The following DNAH12 variants were observed in gnomAD, a reference collection of about 807,000 sequenced individuals.
DNAH12 encodes dynein axonemal heavy chain 12, also known as axonemal beta dynein heavy chain 12.
In DNAH12, 285 loss-of-function variants were observed where a neutral mutation model predicts 371.5. That is an observed-to-expected ratio of 0.77 (90% confidence interval 0.70 to 0.85). DNAH12 has a LOEUF of 0.85. DNAH12 is among the 40% of genes least tolerant of loss of function. The probability of loss-of-function intolerance (pLI) is 0.00; values close to 1 mark genes in which losing one functional copy is unlikely to be tolerated. For missense variants in DNAH12, 3,611 were observed against 3,689.4 expected, an observed-to-expected ratio of 0.98 and a Z score of 0.55; for synonymous variants, 1,200 against 1,213.0, an observed-to-expected ratio of 0.99 and a Z score of 0.22.
chr3:57,453,004 C>G lies in DNAH12; in HGVS notation c.3625G>C (p.Asp1209His). The G allele has an allele frequency of 6.5e-7, 1 of 1,543,044 alleles. No homozygotes were observed. The highest frequency in any genetic ancestry group is 2.5e-5 in the East Asian group (1 of 40,738). Residue 1209 changes from aspartate to histidine, a missense_variant, in exon 25 of 74, where the codon GAT becomes CAT. This residue lies in a region of DNAH12 where 31 missense variants were observed against 53.8 expected (regional missense o/e 0.58). Coordinates refer to ENST00000495027, the MANE Select transcript of DNAH12 (RefSeq NM_001366028.2). ...TGAGCAAGCCACAGGAAATCTGTAT[C>G]ATGTGAGACACCTAGAAAAAATAAA... ...MDMIKMGVSH[D>H]TDFLWLAQLR... is the part of the protein sequence containing the mutation.
intron 12 of DNAH12, among the ~76,000 whole-genome samples, chr3:57,484,795 C>A (rs2066868844): frequency 6.6e-6 from 1 of 152,080 alleles, no homozygotes; most frequent in African/African-American, 2.4e-5. Context: ...CTGCCTCCAA[C>A]AAAAGACTAG....
intron 6 of DNAH12, among the ~76,000 whole-genome samples, 166 bp from the exon 7 acceptor site, chr3:57,508,706 A>C (rs79294353): frequency 0.063 from 9,570 of 152,298 alleles, 437 homozygotes; most frequent in Middle Eastern, 0.11. Flanking sequence ...ATTTAATAAA[A>C]ACACATCAAG....
chr3:57,371,318 T>G (rs1298665955), intron 55 of DNAH12, among the ~76,000 whole-genome samples: 1 of 152,176 alleles, frequency 6.6e-6, no homozygotes, highest in African/African-American at 2.4e-5. Flanking sequence ...TGAAATGTCT[T>G]CTTTTAACAT....
chr3:57,323,193 C>T lies in DNAH12; in HGVS notation c.10197G>A (p.Gln3399=), dbSNP rs2061848253. 1 of 1,552,380 alleles carries T rather than the reference C, an allele frequency of 6.4e-7. No individual in the cohort carries two copies. Among genetic ancestry groups the T allele is most frequent in the African/African-American group, 1.4e-5 (1 of 73,192 alleles). ...TTTTTGCTGCAATCGGTCCTTGTCC[C>T]TGTCCCAGTGAAATAGCTTGAAACT... is the stretch of plus-strand genomic sequence containing the variant. ...GNKFQAISLG[Q]GQGPIAAKMI... is the part of the protein sequence containing the mutation. The change falls in exon 64 of 74, where the codon CAG becomes CAA. Residue 3399 remains glutamine (Q), a synonymous_variant. Coordinates refer to ENST00000495027, the MANE Select transcript of DNAH12 (RefSeq NM_001366028.2).
At chr3:57,423,452 G>T (rs1463186828) in intron 35 of DNAH12, among the ~76,000 whole-genome samples, 1 of 152,154 alleles carries the variant, frequency 6.6e-6, no homozygotes, top group Non-Finnish European at 1.5e-5. Context: ...AAAGCGGAAG[G>T]ATATAAAGGC....
Position 57,415,505 on chromosome 3 carries a change from A to T in DNAH12, c.5774T>A (p.Leu1925Gln), listed in dbSNP as rs780079838. Reference protein sequence around the residue: ...TGKSVYVKDKLMNHLEKDQYF... With the variant: ...TGKSVYVKDKQMNHLEKDQYF... ...CTGGTCCTTTTCCAAGTGATTCATTAGCTTATCCTTCACATACACAGATTT... is the reference window on the plus strand; with the variant it reads ...CTGGTCCTTTTCCAAGTGATTCATTTGCTTATCCTTCACATACACAGATTT... The change falls in exon 38 of 74, where the codon CTA becomes CAA. Residue 1925 changes from leucine (L) to glutamine (Q), a missense_variant. By Grantham distance (113) the Leu-to-Gln change is moderately radical. Transcript: ENST00000495027. 7.1e-6 allele frequency: 11 copies of T among 1,551,130 alleles called. No homozygotes were observed. Among genetic ancestry groups the T allele is most frequent in the Non-Finnish European group, 9.6e-6 (11 of 1,146,934 alleles).
upstream of DNAH12, chr3:57,548,949 A>T (rs1216662011): frequency 3.3e-5 from 5 of 152,174 alleles, no homozygotes; most frequent in African/African-American, 4.8e-5. Flanking sequence ...TAGTTTTTTT[A>T]AAAAAAGATT....
At chr3:57,554,155 T>G in the DNAH12 span, among the ~76,000 whole-genome samples, 5,319 of 105,680 alleles carry the variant, frequency 0.05, 345 homozygotes, top group African/African-American at 0.13. Flanking sequence ...GACATGGCAG[T>G]GCACACCTGT....
In DNAH12 at chr3:57,459,678, G is replaced by T. The variant is rs757057533; in HGVS notation, c.2845C>A (p.Gln949Lys). 68 of 1,549,410 alleles carry T rather than the reference G, an allele frequency of 4.4e-5. 1 individual carries two copies. The Middle Eastern group carries it at 1.0e-3, about 23-fold the overall frequency. Residue 949 changes from glutamine to lysine, a missense_variant, in exon 20 of 74, where the codon CAA (glutamine) becomes AAA (lysine). Around this residue, in one of 3 missense-constraint regions of DNAH12, gnomAD observed 1,314 missense variants for 1,398.7 expected, o/e 0.94. Coordinates refer to ENST00000495027, the MANE Select transcript of DNAH12 (RefSeq NM_001366028.2). Reference protein sequence around the residue: ...EPIFCSEDIMQQMPEEGRQFQ... With the variant: ...EPIFCSEDIMKQMPEEGRQFQ... Reference sequence around the variant, plus strand: ...TGACGCCCTTCTTCTGGCATCTGTTGCATGATATCCTCAGAACAAAAGATG... The same window carrying T: ...TGACGCCCTTCTTCTGGCATCTGTTTCATGATATCCTCAGAACAAAAGATG...
At chr3:57,389,820 G>GTA (rs1486737780) in intron 45 of DNAH12, among the ~76,000 whole-genome samples, 11 of 72,772 alleles carry the variant, frequency 1.5e-4, no homozygotes, top group African/African-American at 4.1e-4. Context: ...GTGTGTGTGT[G>GTA]TGTATATATA....
intron 37 of DNAH12, among the ~76,000 whole-genome samples, chr3:57,417,638 G>A (rs1027964564): frequency 6.6e-6 from 1 of 152,050 alleles, no homozygotes; most frequent in Non-Finnish European, 1.5e-5. Context: ...TAGTACCTGT[G>A]TCTTTGTCAC....
chr3:57,481,475 C>T (rs1233673982), intron 13 of DNAH12, among the ~76,000 whole-genome samples: 5 of 151,882 alleles, frequency 3.3e-5, no homozygotes, highest in East Asian at 1.9e-4. Flanking sequence ...GAATCAATAT[C>T]GTGAAAATGG....
At chr3:57,429,333 T>C (rs6772364) in intron 33 of DNAH12, among the ~76,000 whole-genome samples, 104,296 of 151,902 alleles carry the variant, frequency 0.69, 35,989 homozygotes, top group South Asian at 0.8. Context: ...TGCACCACCA[T>C]GCCTGGCTAA....
chr3:57,449,942 T>C (rs1239042274), intron 25 of DNAH12, among the ~76,000 whole-genome samples: 1 of 152,192 alleles, frequency 6.6e-6, no homozygotes, highest in African/African-American at 2.4e-5. Flanking sequence ...TCTAGTGTTA[T>C]ATTCAAGCGT....
chr3:57,543,019 C>T, intron 1 of DNAH12, 116 bp from the exon 2 acceptor site: 2 of 711,076 alleles, frequency 2.8e-6, no homozygotes, highest in Non-Finnish European at 4.1e-6. Context: ...GATCTTCCTC[C>T]CAAGTATGGT....
chr3:57,371,176 C>A (rs1411444227), intron 55 of DNAH12, among the ~76,000 whole-genome samples: 2 of 152,156 alleles, frequency 1.3e-5, no homozygotes, highest in African/African-American at 4.8e-5. Context: ...GCAACACACA[C>A]ACTGCAGCTG....
intron 29 of DNAH12, among the ~76,000 whole-genome samples, chr3:57,440,770 T>C (rs1372321580): frequency 6.6e-6 from 1 of 152,066 alleles, no homozygotes; most frequent in African/African-American, 2.4e-5. Flanking sequence ...AGTGGATGGG[T>C]TGAGCCCGGG....
Position 57,408,354 on chromosome 3 carries a change from A to G in DNAH12, c.6202T>C (p.Phe2068Leu). The change falls in exon 40 of 74, where the codon TTC becomes CTC. Residue 2068 changes from phenylalanine (F) to leucine (L), a missense_variant. This residue lies in a region of DNAH12 where 2,266 missense variants were observed against 2,236.9 expected (regional missense o/e 1.01). Transcript: ENST00000495027. ...GGAAATTCATGAGTTCTAAGGTAGA[A>G]TGCTACAATAGATGAGAAGATTCGG... The part of the protein sequence containing the change: ...MVRIFSSIVA[F>L]YLRTHEFPPE... The G allele has an allele frequency of 6.4e-7, 1 of 1,551,632 alleles. No individual in the cohort carries two copies. The highest frequency in any genetic ancestry group is 8.7e-7 in the Non-Finnish European group (1 of 1,146,926).
intron 43 of DNAH12, among the ~76,000 whole-genome samples, chr3:57,401,977 A>T (rs1295509215): frequency 6.6e-6 from 1 of 152,348 alleles, no homozygotes; most frequent in East Asian, 1.9e-4. Flanking sequence ...AAATCATGCA[A>T]AGCAGGAACT....
Sources: gnomAD v4.1 joint callset for allele counts (sites outside exome capture counted in the v4.1 genomes callset) on GRCh38, gnomAD v4.1.1 for gene constraint, gnomAD v4.1.1 regional missense constraint, MANE v1.5 for transcripts, NCBI Gene and HGNC (gene_info 2026-07-23, HGNC 2026-07-21) for gene names.